PLPPR5: variants seen among roughly 807,000 people sequenced by gnomAD.
PLPPR5 encodes phospholipid phosphatase-related protein type 5.
Under a neutral mutation model 33.9 loss-of-function variants are expected in PLPPR5, and 16 were observed. The observed-to-expected ratio is 0.47, with a 90% confidence interval of 0.32 to 0.72. The LOEUF is 0.72. PLPPR5 is among the 30% of genes least tolerant of loss of function. The pLI, the probability that PLPPR5 is intolerant of heterozygous loss-of-function variation, is 0.03. For synonymous variants in PLPPR5, 163 were observed against 150.3 expected, an observed-to-expected ratio of 1.08 and a Z score of -0.62; for missense variants, 301 against 406.7, an observed-to-expected ratio of 0.74 and a Z score of 2.23.
chr1:98,988,042 T>G (rs1043095866), intron 1 of PLPPR5, among the ~76,000 whole-genome samples: 2 of 152,112 alleles, frequency 1.3e-5, no homozygotes, highest in Non-Finnish European at 2.9e-5. Context: ...TAAGAGTATG[T>G]TCTGCTTATA....
intron 1 of PLPPR5, among the ~76,000 whole-genome samples, chr1:98,978,638 A>T (rs1651949967): frequency 6.6e-6 from 1 of 152,060 alleles, no homozygotes; most frequent in Non-Finnish European, 1.5e-5. Context: ...TGCAGATTAC[A>T]TGATGGTTTT....
intron 3 of PLPPR5, among the ~76,000 whole-genome samples, chr1:98,928,792 C>T (rs1401208144): frequency 6.6e-6 from 1 of 151,530 alleles, no homozygotes; most frequent in African/African-American, 2.4e-5. Flanking sequence ...CATTTACCTG[C>T]ATATTTTTAT....
In PLPPR5 at chr1:98,914,999, G is replaced by T. The variant is rs77486312; in HGVS notation, c.799-79C>A. The T allele has an allele frequency of 3.7e-3, 4,831 of 1,320,288 alleles. 141 individuals carry two copies. In the African/African-American group the frequency reaches 0.062, roughly 17 times the overall value. 81.8% of individuals were successfully genotyped at this position (1,320,288 alleles called of 1,614,324 possible). On this transcript the variant is annotated intron_variant, in intron 4 of 5. Transcript: ENST00000263177. ...TCAGCCTTTTGAGGAGCTTAATAAA[G>T]CTAAGCATGTAAGAAAGTATTAAAA...
At chr1:98,955,635 C>T (rs1427784977) in intron 2 of PLPPR5, among the ~76,000 whole-genome samples, 1 of 152,024 alleles carries the variant, frequency 6.6e-6, no homozygotes, top group Non-Finnish European at 1.5e-5. Flanking sequence ...AGCCTGATAA[C>T]ATTTGGCTAG....
intron 1 of PLPPR5, among the ~76,000 whole-genome samples, chr1:99,003,345 A>G (rs954176561): frequency 5.3e-5 from 8 of 151,834 alleles, no homozygotes; most frequent in Non-Finnish European, 1.2e-4. Context: ...GACATTCTTA[A>G]CATTCAATTT....
At chr1:98,921,502 G>A (rs765261637) in intron 4 of PLPPR5, among the ~76,000 whole-genome samples, 3 of 151,930 alleles carry the variant, frequency 2.0e-5, no homozygotes, top group African/African-American at 7.3e-5. Flanking sequence ...CCTGAAACTC[G>A]CCTATAACAT....
intron 3 of PLPPR5, among the ~76,000 whole-genome samples, chr1:98,930,606 T>C (rs1441216870): frequency 2.0e-5 from 3 of 152,216 alleles, no homozygotes; most frequent in Non-Finnish European, 4.4e-5. Flanking sequence ...CAAAATACTT[T>C]ATCAGCTCCA....
At chr1:99,005,560 G>A (rs769539147), upstream of PLPPR5, among the ~76,000 whole-genome samples, 17 of 152,146 alleles carry the variant, frequency 1.1e-4, no homozygotes, top group Non-Finnish European at 2.4e-4. Flanking sequence ...CCCCTTCCTG[G>A]ATCCATGCAT....
intron 3 of PLPPR5, 22 bp from the exon 4 acceptor site, chr1:98,922,080 AT>A: frequency 6.2e-7 from 1 of 1,607,408 alleles, no homozygotes; most frequent in Admixed American, 1.7e-5. Flanking sequence ...AATAAAAAAA[AT>A]GACTTTTCAT....
At chr1:98,944,878 C>A (rs1286355122) in intron 3 of PLPPR5, among the ~76,000 whole-genome samples, 1 of 152,138 alleles carries the variant, frequency 6.6e-6, no homozygotes. Context: ...GCAATGTATG[C>A]CCCAGGGGTC....
intron 3 of PLPPR5, among the ~76,000 whole-genome samples, chr1:98,943,385 T>A (rs1650448160): frequency 6.6e-6 from 1 of 152,074 alleles, no homozygotes; most frequent in African/African-American, 2.4e-5. Context: ...GAAAAAAAAA[T>A]ATCCAGATAT....
intron 3 of PLPPR5, among the ~76,000 whole-genome samples, chr1:98,933,176 GC>G (rs1327385003): frequency 6.6e-6 from 1 of 151,150 alleles, no homozygotes; most frequent in Non-Finnish European, 1.5e-5. Context: ...GTCTTGCCTT[GC>G]ATAGAGAGGG....
At chr1:98,971,376 C>A (rs1651652673) in intron 1 of PLPPR5, among the ~76,000 whole-genome samples, 1 of 151,856 alleles carries the variant, frequency 6.6e-6, no homozygotes, top group Non-Finnish European at 1.5e-5. Context: ...GGTATGTAAG[C>A]TTTCCTATTG....
chr1:98,951,059 G>C (rs755839751), intron 3 of PLPPR5, among the ~76,000 whole-genome samples: 4 of 152,130 alleles, frequency 2.6e-5, no homozygotes, highest in Admixed American at 6.6e-5. Flanking sequence ...TGGGGTCAGA[G>C]AGCATTCTGG....
intron 3 of PLPPR5, among the ~76,000 whole-genome samples, chr1:98,945,119 T>C (rs1329132043): frequency 1.3e-5 from 2 of 152,156 alleles, no homozygotes; most frequent in Admixed American, 1.3e-4. Flanking sequence ...TTGTTGCATA[T>C]GGAAAAGAAG....
intron 1 of PLPPR5, among the ~76,000 whole-genome samples, chr1:98,964,702 C>G (rs1031416377): frequency 6.6e-6 from 1 of 152,140 alleles, no homozygotes; most frequent in Non-Finnish European, 1.5e-5. Context: ...AAACAACCTC[C>G]AAGGAAGATT....
At position 98,976,501 on chromosome 1, in the gene PLPPR5, A is replaced by G. The variant is rs527732233; in HGVS notation, c.238-19760T>C. On this transcript the variant is annotated intron_variant, in intron 1 of 5. Transcript: ENST00000263177. ...CAATTCAATGGTATTTCCTAAACCC[A>G]CAGAAAAAGTAGACTAGGAAACCAC... is the stretch of plus-strand genomic sequence containing the variant. 3.9e-5 allele frequency among the ~76,000 whole-genome samples: 6 copies of G among 152,158 alleles called. No homozygotes were observed. In the South Asian group the frequency reaches 1.0e-3, roughly 26 times the overall value.
chr1:98,935,519 A>G (rs1570712399), intron 3 of PLPPR5, among the ~76,000 whole-genome samples: 1 of 152,182 alleles, frequency 6.6e-6, no homozygotes, highest in South Asian at 2.1e-4. Context: ...GCTTCATGCA[A>G]TAGAAAGTAC....
intron 1 of PLPPR5, among the ~76,000 whole-genome samples, chr1:98,975,110 T>C (rs1190108425): frequency 6.6e-6 from 1 of 152,088 alleles, no homozygotes; most frequent in East Asian, 1.9e-4. Flanking sequence ...TCAGAGATCA[T>C]GTTCTGTTGC....
Sources: allele counts gnomAD v4.1 joint callset (sites outside exome capture counted in the v4.1 genomes callset), GRCh38; gene constraint gnomAD v4.1.1; transcripts MANE v1.5; gene names NCBI Gene and HGNC (gene_info 2026-07-23, HGNC 2026-07-21).